The following ZNF318 variants were observed in gnomAD, a reference collection of about 807,000 sequenced individuals.
The protein encoded by ZNF318 is zinc finger protein 318.
In ZNF318, 51 loss-of-function variants were observed where a neutral mutation model predicts 124.2. The observed-to-expected ratio is 0.41, with a 90% CI of 0.33 to 0.52. The LOEUF is 0.52. ZNF318 is among the 20% of genes least tolerant of loss of function. The pLI, the probability that ZNF318 is intolerant of heterozygous loss-of-function variation, is 0.23. For synonymous variants in ZNF318, 1,090 were observed against 1,040.7 expected (o/e 1.05, Z -0.91); for missense variants, 2,815 against 2,811.2 (o/e 1.00, Z -0.03).
chr6:43,338,311 G>A lies in ZNF318; in HGVS notation c.5687C>T (p.Ser1896Phe). 1.2e-6 allele frequency: 2 copies of A among 1,614,182 alleles called. No homozygotes were observed. The highest frequency in any genetic ancestry group is 1.7e-6 in the Non-Finnish European group (2 of 1,180,028). ...TAAACACATAGCTGATCTGGCTGGG[G>A]AATGAAGCAGCAACTCTGGGGCAGA... is the stretch of plus-strand genomic sequence containing the variant. ...KISAPELLLH[S>F]PARSAMCLTG... The change falls in exon 10 of 10, where the codon TCC becomes TTC. Residue 1896 changes from serine (S) to phenylalanine (F), a missense_variant. Physicochemically the swap from Ser to Phe is radical, Grantham distance 155. This residue lies in a region of ZNF318 where 927 missense variants were observed against 820.6 expected (regional missense o/e 1.13). Coordinates refer to ENST00000361428, the MANE Select transcript of ZNF318 (RefSeq NM_014345.3).
chr6:43,347,233 G>GA (rs1491271791), intron 6 of ZNF318, among the ~76,000 whole-genome samples: 2 of 152,184 alleles, frequency 1.3e-5, no homozygotes, highest in African/African-American at 4.8e-5. Context: ...GGTTAGTAAT[G>GA]AAACTACAGT....
chr6:43,348,921 T>C (rs898648961), intron 5 of ZNF318, among the ~76,000 whole-genome samples: 1 of 152,158 alleles, frequency 6.6e-6, no homozygotes, highest in Non-Finnish European at 1.5e-5. Context: ...GTAATTCTAT[T>C]TACCCGGGAG....
chr6:43,339,216 A>C lies in ZNF318; in HGVS notation c.4782T>G (p.Gly1594=). ...KGAPETKLSG[G]PLANGENSNL... is the part of the protein sequence containing the mutation. ...TGCTATTTTCCCCATTGGCCAATGGACCACCACTTAGCTTAGTCTCAGGGG... is the reference window on the plus strand; with the variant it reads ...TGCTATTTTCCCCATTGGCCAATGGCCCACCACTTAGCTTAGTCTCAGGGG... Residue 1594 remains glycine (G), a synonymous_variant, in exon 10 of 10, where the codon GGT becomes GGG. Transcript: ENST00000361428. The surrounding 1 kb of genome is among the most constrained non-coding windows in gnomAD (Gnocchi z 4.2). 1 of 1,614,172 alleles carries C rather than the reference A, an allele frequency of 6.2e-7. No individual in the cohort carries two copies. The highest frequency in any genetic ancestry group is 8.5e-7 in the Non-Finnish European group (1 of 1,180,026).
chr6:43,356,977 G>A (rs998725216), intron 3 of ZNF318, 149 bp downstream of exon 3: 32 of 865,452 alleles, frequency 3.7e-5, no homozygotes, highest in Admixed American at 1.5e-4. Flanking sequence ...CTACAGTTTC[G>A]TTTGGAGAGT....
chr6:43,337,270 G>A lies in ZNF318; in HGVS notation c.6728C>T (p.Ser2243Phe), dbSNP rs76571554. 1,870 of 1,614,114 alleles carry A rather than the reference G, an allele frequency of 1.2e-3. 9 individuals carry two copies. Among genetic ancestry groups the A allele is most frequent in the African/African-American group, 0.012 (866 of 75,004 alleles). ...LNLVKAPVSR[S>F]PPREQVIEDN... Reference sequence around the variant, plus strand: ...TTCAATTACCTGCTCCCTTGGAGGGGACCTTGACACTGGAGCTTTAACCAA... The same window carrying A: ...TTCAATTACCTGCTCCCTTGGAGGGAACCTTGACACTGGAGCTTTAACCAA... The change falls in exon 10 of 10, where the codon TCC becomes TTC. Residue 2243 changes from serine (S) to phenylalanine (F), a missense_variant. By Grantham distance (155) the Ser-to-Phe change is radical (BLOSUM62 -2). This residue lies in a region of ZNF318 where 927 missense variants were observed against 820.6 expected (regional missense o/e 1.13). Transcript: ENST00000361428.
In ZNF318 at chr6:43,368,924, G is replaced by A. The variant is rs1389244140; in HGVS notation, c.399+43C>T. 1.4e-5 allele frequency: 19 copies of A among 1,330,738 alleles called. No homozygotes were observed. The East Asian group carries it at 4.4e-4, about 31-fold the overall frequency. 82.4% of individuals were successfully genotyped at this position (1,330,738 alleles called of 1,614,324 possible). Reference sequence around the variant, plus strand: ...CTGGAAACGGGAATTCCGGGGGAGGGGACTGGGGGATGGAGGGAGTCCTGG... The same window carrying A: ...CTGGAAACGGGAATTCCGGGGGAGGAGACTGGGGGATGGAGGGAGTCCTGG... On this transcript the variant is annotated intron_variant, in intron 1 of 9. Transcript: ENST00000361428.
At chr6:43,361,235 A>T (rs1779678346) in intron 2 of ZNF318, among the ~76,000 whole-genome samples, 1 of 152,188 alleles carries the variant, frequency 6.6e-6, no homozygotes, top group Admixed American at 6.5e-5. Flanking sequence ...AGGGAAAAAA[A>T]TCCCACTCCT....
At position 43,357,213 on chromosome 6, in the gene ZNF318, C is replaced by A. The variant is rs1428785941; in HGVS notation, c.1101G>T (p.Leu367Phe). The change falls in exon 3 of 10, where the codon TTG becomes TTT. Residue 367 changes from leucine (L) to phenylalanine (F), a missense_variant. Transcript: ENST00000361428. Reference protein sequence around the residue: ...VLTASEPGYSLHRPEEVSVMP... With the variant: ...VLTASEPGYSFHRPEEVSVMP... ...TCACAGATACTTCCTCAGGCCGATGCAAAGAATATCCTGGCTCCGATGCTG... is the reference window on the plus strand; with the variant it reads ...TCACAGATACTTCCTCAGGCCGATGAAAAGAATATCCTGGCTCCGATGCTG... 1 of 1,614,038 alleles carries A rather than the reference C, an allele frequency of 6.2e-7. No individual in the cohort carries two copies. Among genetic ancestry groups the A allele is most frequent in the Admixed American group, 1.7e-5 (1 of 59,998 alleles).
chr6:43,358,318 G>T (rs908744656), intron 2 of ZNF318, among the ~76,000 whole-genome samples: 1 of 151,854 alleles, frequency 6.6e-6, no homozygotes, highest in African/African-American at 2.4e-5. Flanking sequence ...TGCAATCTCG[G>T]CTCACTGCAA....
rs1251507574 is a variant in ZNF318 at position 43,355,826 on chromosome 6, T to TCCCCCC, written c.1507_1508insGGGGGG (p.Gln502_Asp503insGlyGly). 1 of 1,614,116 alleles carries TCCCCCC rather than the reference T, an allele frequency of 6.2e-7. No homozygotes were observed. Among genetic ancestry groups the TCCCCCC allele is most frequent in the Non-Finnish European group, 8.5e-7 (1 of 1,180,038 alleles). On this transcript the variant is annotated inframe_insertion, in exon 4 of 10. Coordinates refer to ENST00000361428, the MANE Select transcript of ZNF318 (RefSeq NM_014345.3). ...CAGAATGCGGGAAAAACCACTGCCA[T>TCCCCCC]CCTGGCTAGCTCTCTCATGGGGCAG...
At chr6:43,363,428 A>G (rs1779711427) in intron 2 of ZNF318, 1 of 171,346 alleles carries the variant, frequency 5.8e-6, no homozygotes, top group African/African-American at 2.4e-5. Flanking sequence ...CTTCTCTGAG[A>G]AAACACCAAA....
rs569487625 is a variant in ZNF318, at chr6:43,357,741, G to C, written c.573C>G (p.Val191=). The C allele has an allele frequency of 6.3e-7, 1 of 1,599,986 alleles. No homozygotes were observed. The highest frequency in any genetic ancestry group is 1.1e-5 in the South Asian group (1 of 90,650). ...GAGAGCACTGGGAGCTTCGAGTGAAGACAGAATCATCAGTCAGGTCATCCC... is the reference window on the plus strand; with the variant it reads ...GAGAGCACTGGGAGCTTCGAGTGAACACAGAATCATCAGTCAGGTCATCCC... ...MDRDDLTDDS[V]FTRSSQCSRG... The change falls in exon 3 of 10, where the codon GTC becomes GTG. Residue 191 remains valine, a synonymous_variant. Coordinates refer to ENST00000361428, the MANE Select transcript of ZNF318 (RefSeq NM_014345.3).
chr6:43,339,452 C>A lies in ZNF318; in HGVS notation c.4546G>T (p.Asp1516Tyr), dbSNP rs1779338823. ...TCACTCACCCCAGGAGCTGTCTCAT[C>A]AGAAGGAATGGCAGCTGGCTGTGCT... ...ASAQPAAIPS[D>Y]ETAPGVSESD... The change falls in exon 10 of 10, where the codon GAT becomes TAT. Residue 1516 changes from aspartate to tyrosine, a missense_variant. Physicochemically the swap from Asp to Tyr is radical, Grantham distance 160 (BLOSUM62 -3). This residue lies in a region of ZNF318 where 500 missense variants were observed against 605.2 expected (regional missense o/e 0.83). Transcript: ENST00000361428. This position sits in a 1 kb window ranked among gnomAD's most constrained non-coding sequence, Gnocchi z 4.2. 6.2e-7 allele frequency: 1 copy of A among 1,613,950 alleles called. No homozygotes were observed. Among genetic ancestry groups the A allele is most frequent in the African/African-American group, 1.3e-5 (1 of 74,876 alleles).
chr6:43,352,138 C>T (rs572287359), intron 5 of ZNF318, among the ~76,000 whole-genome samples: 2 of 60,176 alleles, frequency 3.3e-5, no homozygotes, highest in South Asian at 5.1e-4. Flanking sequence ...AGCAAAACTT[C>T]GTCTCAAATC....
chr6:43,364,484 G>A (rs535692273), intron 2 of ZNF318, among the ~76,000 whole-genome samples: 18 of 152,262 alleles, frequency 1.2e-4, no homozygotes, highest in South Asian at 8.3e-4. Context: ...CACGGCAAGC[G>A]ACAGTCTCAG....
intron 7 of ZNF318, 22 bp downstream of exon 7, chr6:43,342,654 T>A: frequency 6.2e-7 from 1 of 1,612,370 alleles, no homozygotes; most frequent in South Asian, 1.1e-5. Flanking sequence ...GGAGTGAAAA[T>A]AACAGAGAGT....
Position 43,338,061 on chromosome 6 carries a change from T to C in ZNF318, c.5937A>G (p.Ala1979=). 1 of 1,614,230 alleles carries C rather than the reference T, an allele frequency of 6.2e-7. No homozygotes were observed. Among genetic ancestry groups the C allele is most frequent in the Admixed American group, 1.7e-5 (1 of 60,024 alleles). Residue 1979 remains alanine, a synonymous_variant, in exon 10 of 10, where the codon GCA becomes GCG. Coordinates refer to ENST00000361428, the MANE Select transcript of ZNF318 (RefSeq NM_014345.3). The stretch of plus-strand genomic sequence containing the variant: ...CTGGATGGACATCTTGTAGCTCCAG[T>C]GCTTCTGTTTTTGGTTTCTCTGGGC... The part of the protein sequence containing the change: ...WESPEKPKTE[A]LELQDVHPEL...
At position 43,337,073 on chromosome 6, in the gene ZNF318, A is replaced by G. The variant is rs1283652533; in HGVS notation, c.*85T>C. On this transcript the variant is annotated 3_prime_UTR_variant, in exon 10 of 10. Transcript: ENST00000361428. ...CATCTCTTGGTGTAGGTTCCAGATG[A>G]GATAACAAACTAGTCTTGGATCATC... 1.1e-5 allele frequency: 14 copies of G among 1,299,592 alleles called. No individual in the cohort carries two copies. The highest frequency in any genetic ancestry group is 1.3e-5 in the Non-Finnish European group (13 of 967,210). The allele number at this position is 1,299,592 out of a possible 1,614,324, so 80.5% of individuals were successfully genotyped here.
Position 43,342,208 on chromosome 6 carries a change from G to C in ZNF318, c.3280C>G (p.Leu1094Val). Residue 1094 changes from leucine to valine, a missense_variant, in exon 8 of 10, where the codon CTG becomes GTG. Leu to Val is a conservative substitution (Grantham distance 32, BLOSUM62 1). Around this residue, in one of 4 missense-constraint regions of ZNF318, gnomAD observed 500 missense variants for 605.2 expected, o/e 0.83. Transcript: ENST00000361428. ...HMHNKKHTQT[L>V]DPYNRPWASK... ...GCCCAAGGTCTGTTGTAGGGATCCA[G>C]TGTCTATTTGTAAGAGGCAGAGGTG... is the stretch of plus-strand genomic sequence containing the variant. 3 of 1,610,310 alleles carry C rather than the reference G, an allele frequency of 1.9e-6. No homozygotes were observed. Among genetic ancestry groups the C allele is most frequent in the East Asian group, 4.5e-5 (2 of 44,816 alleles).
Sources: gnomAD v4.1 joint callset for allele counts (sites outside exome capture counted in the v4.1 genomes callset) on GRCh38, gnomAD v4.1.1 for gene constraint, gnomAD v4.1.1 regional missense constraint, Gnocchi (gnomAD v3.1) non-coding constraint, MANE v1.5 for transcripts, NCBI Gene and HGNC (gene_info 2026-07-23, HGNC 2026-07-21) for gene names.